The following ASB13 variants were observed in gnomAD, a reference collection of about 807,000 sequenced individuals.
ASB13 encodes the protein ankyrin repeat and SOCS box containing 13.
Under a neutral mutation model 28.8 loss-of-function variants are expected in ASB13, and 33 were observed. The ratio of observed to expected loss-of-function variants is 1.15; its 90% CI spans 0.87 to 1.53. ASB13 has a LOEUF of 1.53. Among genes scored for constraint, ASB13 ranks in the 40% most tolerant of loss-of-function variants. The probability of loss-of-function intolerance (pLI) is 0.00; values close to 1 mark genes in which losing one functional copy is unlikely to be tolerated. For missense variants in ASB13, 414 were observed against 390.1 expected (o/e 1.06, Z -0.52); for synonymous variants, 182 against 172.9 (o/e 1.05, Z -0.41).
chr10:5,658,429 A>C lies in ASB13; in HGVS notation c.44-5379T>G, dbSNP rs577063320. 6.6e-6 allele frequency among the ~76,000 whole-genome samples: 1 copy of C among 152,142 alleles called. No homozygotes were observed. The highest frequency in any genetic ancestry group is 6.5e-5 in the Admixed American group (1 of 15,286). On this transcript the variant is annotated intron_variant, in intron 1 of 5. Transcript: ENST00000357700. The surrounding 1 kb of genome is among the most constrained non-coding windows in gnomAD (Gnocchi z 4.2). Reference sequence around the variant, plus strand: ...CTGGGTGACTTTGTCTGAAAAAAAAAAAAAAAACAAAACCAAATAAGCCAT... The same window carrying C: ...CTGGGTGACTTTGTCTGAAAAAAAACAAAAAAACAAAACCAAATAAGCCAT...
chr10:5,652,396 A>C lies in ASB13; in HGVS notation c.231+467T>G, dbSNP rs1259352156. Among the ~76,000 whole-genome samples the C allele has an allele frequency of 6.6e-6, 1 of 152,154 alleles. No individual in the cohort carries two copies. The highest frequency in any genetic ancestry group is 1.5e-5 in the Non-Finnish European group (1 of 68,022). On this transcript the variant is annotated intron_variant, in intron 2 of 5. Transcript: ENST00000357700. This position sits in a 1 kb window ranked among gnomAD's most constrained non-coding sequence, Gnocchi z 5.0. Reference sequence around the variant, plus strand: ...ATGTGCCAGGAATTCTGCTGACCAGAAACCCCCGGTGGCTTAATACTAGCC... The same window carrying C: ...ATGTGCCAGGAATTCTGCTGACCAGCAACCCCCGGTGGCTTAATACTAGCC...
In ASB13 at chr10:5,639,572, C is replaced by A. The variant is rs1419239343; in HGVS notation, c.*1131G>T. 1 of 152,222 alleles carries A rather than the reference C, an allele frequency of 6.6e-6. No individual in the cohort carries two copies. Among genetic ancestry groups the A allele is most frequent in the African/African-American group, 2.4e-5 (1 of 41,434 alleles). 9.4% of individuals were successfully genotyped at this position (152,222 alleles called of 1,614,324 possible). On this transcript the variant is annotated 3_prime_UTR_variant, in exon 6 of 6. Coordinates refer to ENST00000357700, the MANE Select transcript of ASB13 (RefSeq NM_024701.4). Reference sequence around the variant, plus strand: ...GGCCGGCCCATGCAGTCTGAATACGCTACCGAATGCTCCACCTATGGCTTA... The same window carrying A: ...GGCCGGCCCATGCAGTCTGAATACGATACCGAATGCTCCACCTATGGCTTA...
rs34089853 is a variant in ASB13 at position 5,645,239 on chromosome 10, GAA to G, written c.518-3280_518-3279del. Among the ~76,000 whole-genome samples the G allele has an allele frequency of 3.6e-3, 525 of 144,250 alleles. 2 individuals are homozygous for G. Among genetic ancestry groups the G allele is most frequent in the African/African-American group, 0.012 (476 of 39,304 alleles). 94.6% of individuals were successfully genotyped at this position (144,250 alleles called of 152,430 possible). ...GGTGCTTGTTACCACAAGAGAAATTGAAAAAAAAAATTAAATTTAAAAAATTA... is the reference window on the plus strand; with the variant it reads ...GGTGCTTGTTACCACAAGAGAAATTGAAAAAAAATTAAATTTAAAAAATTA... On this transcript the variant is annotated intron_variant, in intron 4 of 5. Coordinates refer to ENST00000357700, the MANE Select transcript of ASB13 (RefSeq NM_024701.4). The surrounding 1 kb of genome is among the most constrained non-coding windows in gnomAD (Gnocchi z 5.4).
Position 5,653,037 on chromosome 10 carries a change from C to T in ASB13, c.57G>A (p.Glu19=), listed in dbSNP as rs1212043909. The part of the protein sequence containing the change: ...CFLGDVGFWV[E]RTPVHEAAQR... ...GGGCTGCCTCGTGCACAGGGGTCCG[C>T]TCCACCCAGAAACCTGGAAAGGAAG... is the stretch of plus-strand genomic sequence containing the variant. Residue 19 remains glutamate (E), a synonymous_variant, in exon 2 of 6, where the codon GAG becomes GAA. Coordinates refer to ENST00000357700, the MANE Select transcript of ASB13 (RefSeq NM_024701.4). 1.9e-6 allele frequency: 3 copies of T among 1,545,220 alleles called. No homozygotes were observed. Among genetic ancestry groups the T allele is most frequent in the Non-Finnish European group, 2.6e-6 (3 of 1,143,270 alleles).
Position 5,666,521 on chromosome 10 carries a change from G to A in ASB13, c.31C>T (p.Leu11=). ...CGCCCGCACGTACCCACGTCGCCCA[G>A]GAAGCAGCCGTCCGCCGCCCGGGGC... MEPRAADGCF[L]GDVGFWVERT... The change falls in exon 1 of 6, where the codon CTG becomes TTG. Residue 11 remains leucine, a synonymous_variant. Transcript: ENST00000357700. 2.4e-6 allele frequency: 3 copies of A among 1,273,944 alleles called. No homozygotes were observed. The highest frequency in any genetic ancestry group is 3.0e-6 in the Non-Finnish European group (3 of 1,005,204). The allele number at this position is 1,273,944 out of a possible 1,614,324, so 78.9% of individuals were successfully genotyped here.
At position 5,655,497 on chromosome 10, in the gene ASB13, A is replaced by G. The variant is rs914460461; in HGVS notation, c.44-2447T>C. The stretch of plus-strand genomic sequence containing the variant: ...TCTGTTTGTAGTATTTTTGCCTCCA[A>G]TTGTAGCTATCTGTCTTGTCCACAG... On this transcript the variant is annotated intron_variant, in intron 1 of 5. Coordinates refer to ENST00000357700, the MANE Select transcript of ASB13 (RefSeq NM_024701.4). This position sits in a 1 kb window ranked among gnomAD's most constrained non-coding sequence, Gnocchi z 6.2. Among the ~76,000 whole-genome samples, 1 of 152,172 alleles carries G rather than the reference A, an allele frequency of 6.6e-6. No individual in the cohort carries two copies.
rs146571548 is a variant in ASB13 at position 5,657,836 on chromosome 10, C to A, written c.44-4786G>T. On this transcript the variant is annotated intron_variant, in intron 1 of 5. Coordinates refer to ENST00000357700, the MANE Select transcript of ASB13 (RefSeq NM_024701.4). ...CTACAACATGGATGAACCTTGAGGA[C>A]ATTATGCTGAGTCAAACAAGCCATT... is the stretch of plus-strand genomic sequence containing the variant. Among the ~76,000 whole-genome samples, 7 of 152,312 alleles carry A rather than the reference C, an allele frequency of 4.6e-5. No homozygotes were observed. In the East Asian group the frequency reaches 1.2e-3, roughly 25 times the overall value.
In ASB13 at chr10:5,640,772, G is replaced by A; in HGVS notation, c.768C>T (p.Val256=). The A allele has an allele frequency of 6.2e-7, 1 of 1,614,198 alleles. No individual in the cohort carries two copies. ...ACTTGGCAATCTTCTCCAGCCCTCG[G>A]ACGCCAGTGGCCTTCCTCAAGTTCA... is the stretch of plus-strand genomic sequence containing the variant. ...CRVNLRKATG[V]RGLEKIAKLN... The change falls in exon 6 of 6, where the codon GTC becomes GTT. Residue 256 remains valine, a synonymous_variant. Transcript: ENST00000357700.
chr10:5,640,573 G>T lies in ASB13; in HGVS notation c.*130C>A. ...CCAGGAGAGAAGCCTAAACAGGATC[G>T]CAGGAAGGGACTCGAAGGAGCGTTG... On this transcript the variant is annotated 3_prime_UTR_variant, in exon 6 of 6. Transcript: ENST00000357700. 1.7e-6 allele frequency: 2 copies of T among 1,195,978 alleles called. No individual in the cohort carries two copies. The highest frequency in any genetic ancestry group is 2.4e-6 in the Non-Finnish European group (2 of 845,672). The allele number at this position is 1,195,978 out of a possible 1,614,324, so 74.1% of individuals were successfully genotyped here.
At position 5,645,641 on chromosome 10, in the gene ASB13, A is replaced by G. The variant is rs1045044578; in HGVS notation, c.517+3329T>C. 2.0e-5 allele frequency among the ~76,000 whole-genome samples: 3 copies of G among 152,200 alleles called. No individual in the cohort carries two copies. Among genetic ancestry groups the G allele is most frequent in the Admixed American group, 2.0e-4 (3 of 15,282 alleles). ...CACTCATGTGGGCCCCGACTGGTTC[A>G]ATCCCTCTCCCCTCTCCACAGTAAC... is the stretch of plus-strand genomic sequence containing the variant. On this transcript the variant is annotated intron_variant, in intron 4 of 5. Coordinates refer to ENST00000357700, the MANE Select transcript of ASB13 (RefSeq NM_024701.4). The surrounding 1 kb of genome is among the most constrained non-coding windows in gnomAD (Gnocchi z 5.4).
chr10:5,647,869 G>A (rs373354841), intron 4 of ASB13, among the ~76,000 whole-genome samples: 20 of 152,264 alleles, frequency 1.3e-4, no homozygotes, highest in African/African-American at 4.6e-4. Flanking sequence ...GTAAATGCTC[G>A]TGCAAGTAAA....
At chr10:5,648,575 CA>C (rs1834928668) in intron 4 of ASB13, among the ~76,000 whole-genome samples, 1 of 150,188 alleles carries the variant, frequency 6.7e-6, no homozygotes, top group East Asian at 2.0e-4. Flanking sequence ...CGCAGGCAAA[CA>C]CCCACGCAGG....
In ASB13 at chr10:5,649,424, T is replaced by C. The variant is rs1255466997; in HGVS notation, c.383-320A>G. Among the ~76,000 whole-genome samples, 1 of 151,608 alleles carries C rather than the reference T, an allele frequency of 6.6e-6. No homozygotes were observed. The highest frequency in any genetic ancestry group is 1.5e-5 in the Non-Finnish European group (1 of 67,840). On this transcript the variant is annotated intron_variant, in intron 3 of 5. Transcript: ENST00000357700. The surrounding 1 kb of genome is among the most constrained non-coding windows in gnomAD (Gnocchi z 6.4). ...AAACTCCCCCGCTGCCCCCCTGCCC[T>C]GTGTCTACCTGCGGCTGTCAGCACT...
At position 5,663,088 on chromosome 10, in the gene ASB13, G is replaced by A. The variant is rs753923743; in HGVS notation, c.43+3421C>T. 6.6e-6 allele frequency among the ~76,000 whole-genome samples: 1 copy of A among 152,126 alleles called. No individual in the cohort carries two copies. Among genetic ancestry groups the A allele is most frequent in the Non-Finnish European group, 1.5e-5 (1 of 68,032 alleles). On this transcript the variant is annotated intron_variant, in intron 1 of 5. Coordinates refer to ENST00000357700, the MANE Select transcript of ASB13 (RefSeq NM_024701.4). The surrounding 1 kb of genome is among the most constrained non-coding windows in gnomAD (Gnocchi z 4.9). Reference sequence around the variant, plus strand: ...AATATAGTTTGTCGGTAAACTTGAGGTCAAACAGCAGACTGATTTTAAGAT... The same window carrying A: ...AATATAGTTTGTCGGTAAACTTGAGATCAAACAGCAGACTGATTTTAAGAT...
chr10:5,658,585 T>C lies in ASB13; in HGVS notation c.44-5535A>G, dbSNP rs886135561. Among the ~76,000 whole-genome samples, 8 of 152,088 alleles carry C rather than the reference T, an allele frequency of 5.3e-5. No individual in the cohort carries two copies. The highest frequency in any genetic ancestry group is 1.0e-4 in the Non-Finnish European group (7 of 68,008). On this transcript the variant is annotated intron_variant, in intron 1 of 5. Coordinates refer to ENST00000357700, the MANE Select transcript of ASB13 (RefSeq NM_024701.4). This position sits in a 1 kb window ranked among gnomAD's most constrained non-coding sequence, Gnocchi z 4.2. ...GGAGAAATGGGGAGTTAGTGTTTCA[T>C]GGGGACAGAATTTCAGTTTTACAGG...
Position 5,651,408 on chromosome 10 carries a change from C to A in ASB13, c.232-45G>T. The A allele has an allele frequency of 1.3e-6, 2 of 1,517,648 alleles. No individual in the cohort carries two copies. The highest frequency in any genetic ancestry group is 8.9e-7 in the Non-Finnish European group (1 of 1,126,088). 94.0% of individuals were successfully genotyped at this position (1,517,648 alleles called of 1,614,324 possible). On this transcript the variant is annotated intron_variant, in intron 2 of 5. Transcript: ENST00000357700. The surrounding 1 kb of genome is among the most constrained non-coding windows in gnomAD (Gnocchi z 5.1). ...AGTGTCAAAGGGCAGAGAAATGCCA[C>A]GCAACCCACTTTCCCATCCTGCTGC...
At position 5,642,428 on chromosome 10, in the gene ASB13, C is replaced by T; in HGVS notation, c.518-467G>A. ...TGGTTGAATGAAAGAATAAATGTTCCTTAACAATGCATATTCTTTTACAAA... is the reference window on the plus strand; with the variant it reads ...TGGTTGAATGAAAGAATAAATGTTCTTTAACAATGCATATTCTTTTACAAA... On this transcript the variant is annotated intron_variant, in intron 4 of 5. Transcript: ENST00000357700. The surrounding 1 kb of genome is among the most constrained non-coding windows in gnomAD (Gnocchi z 4.1). The T allele has an allele frequency of 1.0e-6, 1 of 972,036 alleles. No individual in the cohort carries two copies. The highest frequency in any genetic ancestry group is 1.3e-6 in the Non-Finnish European group (1 of 761,302). 60.2% of individuals were successfully genotyped at this position (972,036 alleles called of 1,614,324 possible). A position where few individuals can be genotyped will look rare whatever the true frequency, so the allele number is the denominator to read the frequency against.
rs1835148944 is a variant in ASB13 at position 5,660,912 on chromosome 10, T to A, written c.43+5597A>T. Among the ~76,000 whole-genome samples the A allele has an allele frequency of 6.6e-6, 1 of 152,154 alleles. No homozygotes were observed. The highest frequency in any genetic ancestry group is 6.5e-5 in the Admixed American group (1 of 15,270). ...AGCCACCCAGCAGTGTGCCGGGCCATCTCGCCAGCTGGCTGCTGCACAGCC... is the reference window on the plus strand; with the variant it reads ...AGCCACCCAGCAGTGTGCCGGGCCAACTCGCCAGCTGGCTGCTGCACAGCC... On this transcript the variant is annotated intron_variant, in intron 1 of 5. Transcript: ENST00000357700. This position sits in a 1 kb window ranked among gnomAD's most constrained non-coding sequence, Gnocchi z 6.1.
rs397695670 is a variant in ASB13 at position 5,642,580 on chromosome 10, A to AATT, written c.518-620_518-619insAAT. The AATT allele has an allele frequency of 3.2e-5, 38 of 1,175,390 alleles. No individual in the cohort carries two copies. Among genetic ancestry groups the AATT allele is most frequent in the Middle Eastern group, 2.4e-4 (1 of 4,218 alleles). The allele number at this position is 1,175,390 out of a possible 1,614,324, so 72.8% of individuals were successfully genotyped here. A position where few individuals can be genotyped will look rare whatever the true frequency, so the allele number is the denominator to read the frequency against. ...TGATTAAAAGTAAAGGTAAAAAAAA[A>AATT]TTTTTTTTTAAAAAAAAGAGCAGAC... On this transcript the variant is annotated intron_variant, in intron 4 of 5. Transcript: ENST00000357700. This position sits in a 1 kb window ranked among gnomAD's most constrained non-coding sequence, Gnocchi z 4.1.
Sources: allele counts gnomAD v4.1 joint callset (sites outside exome capture counted in the v4.1 genomes callset), GRCh38; gene constraint gnomAD v4.1.1; non-coding constraint Gnocchi (gnomAD v3.1); transcripts MANE v1.5; gene names NCBI Gene and HGNC (gene_info 2026-07-23, HGNC 2026-07-21).